DNAH6: variants seen among roughly 807,000 people sequenced by gnomAD.
DNAH6 encodes the protein axonemal beta dynein heavy chain 6.
DNAH6 carries 340 observed loss-of-function variants against 491.4 expected under a neutral mutation model. The observed-to-expected ratio is 0.69, with a 90% confidence interval of 0.63 to 0.76. The LOEUF is 0.76. Among genes scored for constraint, DNAH6 ranks in the 30% least tolerant of loss-of-function variants. DNAH6 has a pLI of 0.00. For synonymous variants in DNAH6, 1,603 were observed against 1,686.1 expected (o/e 0.95, Z 1.21); for missense variants, 4,443 against 4,972.2 (o/e 0.89, Z 3.20).
intron 11 of DNAH6, among the ~76,000 whole-genome samples, chr2:84,566,443 G>A (rs1681200478): frequency 6.6e-6 from 1 of 151,846 alleles, no homozygotes; most frequent in Non-Finnish European, 1.5e-5. Flanking sequence ...AAAATCTTCT[G>A]GAAGACACAA....
At chr2:84,676,654 T>C (rs948360769) in intron 40 of DNAH6, among the ~76,000 whole-genome samples, 2 of 152,220 alleles carry the variant, frequency 1.3e-5, no homozygotes, top group Non-Finnish European at 2.9e-5. Flanking sequence ...CCAACTTTAC[T>C]AAACTTAACT....
chr2:84,662,679 G>C (rs912614560), intron 37 of DNAH6, among the ~76,000 whole-genome samples: 6 of 152,214 alleles, frequency 3.9e-5, no homozygotes. Flanking sequence ...TCTGGGGGCA[G>C]GGCATAGCTG....
chr2:84,650,586 G>A (rs1034905733), intron 33 of DNAH6, among the ~76,000 whole-genome samples: 7 of 151,200 alleles, frequency 4.6e-5, no homozygotes, highest in Non-Finnish European at 8.8e-5. Context: ...TATGATGACT[G>A]TTTTAAGATA....
chr2:84,463,020 A>G, the DNAH6 span, among the ~76,000 whole-genome samples: 1 of 152,196 alleles, frequency 6.6e-6, no homozygotes, highest in East Asian at 1.9e-4. Flanking sequence ...AAGAGTTACA[A>G]GGAGGCCAGC....
chr2:84,641,232 A>G (rs1255369422), intron 32 of DNAH6, among the ~76,000 whole-genome samples: 1 of 152,170 alleles, frequency 6.6e-6, no homozygotes, highest in East Asian at 1.9e-4. Context: ...GCCATGACTC[A>G]TTGGCTCAGG....
At chr2:84,705,827 C>T (rs1696376677) in intron 52 of DNAH6, 80 bp downstream of exon 52, 2 of 1,436,770 alleles carry the variant, frequency 1.4e-6, no homozygotes, top group Non-Finnish European at 1.9e-6. Context: ...TATAATGTTA[C>T]TGTGGTCCTA....
rs12992282 is a variant in DNAH6, at chr2:84,653,571, G to A, written c.5331G>A (p.Gly1777=). 0.13 allele frequency: 208,958 copies of A among 1,551,182 alleles called. 16,067 individuals carry two copies. Among genetic ancestry groups the A allele is most frequent in the Non-Finnish European group, 0.16 (182,770 of 1,146,646 alleles). ...AETLGNLQKL[G]IENSFYQAVK... ...CTTTAGGGAATTTACAAAAACTTGG[G>A]ATAGAAAATTCCTTTTACCAAGCAG... Residue 1777 remains glycine, a synonymous_variant, in exon 34 of 77, where the codon GGG becomes GGA. Transcript: ENST00000389394.
intron 45 of DNAH6, among the ~76,000 whole-genome samples, chr2:84,690,517 G>GACCAGAC (rs1052994584): frequency 1.3e-5 from 2 of 152,192 alleles, no homozygotes; most frequent in African/African-American, 4.8e-5. Flanking sequence ...CTGGAGAATA[G>GACCAGAC]ACCAGACCGT....
At chr2:84,464,889 C>G in the DNAH6 span, among the ~76,000 whole-genome samples, 1 of 152,130 alleles carries the variant, frequency 6.6e-6, no homozygotes. Flanking sequence ...GAATGCAGCA[C>G]AGTAGGATTC....
At chr2:84,561,561 C>G (rs1680678787) in intron 11 of DNAH6, among the ~76,000 whole-genome samples, 1 of 152,170 alleles carries the variant, frequency 6.6e-6, no homozygotes, top group African/African-American at 2.4e-5. Context: ...AACTAAAGAG[C>G]TTCTCTGCAC....
the DNAH6 span, among the ~76,000 whole-genome samples, chr2:84,507,267 A>G: frequency 6.6e-6 from 1 of 152,130 alleles, no homozygotes; most frequent in Admixed American, 6.6e-5. Flanking sequence ...AGTTCTTCTT[A>G]AAGAGGTCCT....
chr2:84,495,092 A>G, the DNAH6 span, among the ~76,000 whole-genome samples: 2 of 152,160 alleles, frequency 1.3e-5, no homozygotes, highest in Non-Finnish European at 2.9e-5. Flanking sequence ...AATTCATATG[A>G]TGTGTGGCCT....
chr2:84,751,713 A>G (rs550689940), intron 63 of DNAH6, among the ~76,000 whole-genome samples: 1 of 152,308 alleles, frequency 6.6e-6, no homozygotes, highest in East Asian at 1.9e-4. Context: ...ATCACCACAG[A>G]ACAAAGCTAA....
At chr2:84,523,431 AT>A (rs1013622260) in intron 2 of DNAH6, among the ~76,000 whole-genome samples, 1 of 150,312 alleles carries the variant, frequency 6.7e-6, no homozygotes, top group Non-Finnish European at 1.5e-5. Context: ...GATCTTTTCC[AT>A]TTTTTTTATT....
In DNAH6 at chr2:84,727,757, C is replaced by T; in HGVS notation, c.10061C>T (p.Ala3354Val). The T allele has an allele frequency of 6.4e-7, 1 of 1,551,424 alleles. No individual in the cohort carries two copies. Among genetic ancestry groups the T allele is most frequent in the Non-Finnish European group, 8.7e-7 (1 of 1,146,690 alleles). Residue 3354 changes from alanine (A) to valine (V), a missense_variant, in exon 61 of 77, where the codon GCT (alanine) becomes GTT (valine). By Grantham distance (64) the Ala-to-Val change is moderately conservative (BLOSUM62 0). This residue lies in a region of DNAH6 where 1,463 missense variants were observed against 1,656.6 expected (regional missense o/e 0.88). Transcript: ENST00000389394. ...CTACTAGAACAAACTCTCCTAACTG[C>T]TTATGTCAATGTTTCAAGAGGACTT... ...DVLLEQTLLT[A>V]YVNVSRGLFE...
chr2:84,483,968 G>C, the DNAH6 span, among the ~76,000 whole-genome samples: 1 of 152,128 alleles, frequency 6.6e-6, no homozygotes, highest in African/African-American at 2.4e-5. Flanking sequence ...GGGGACACCT[G>C]TTACAGCTGA....
intron 53 of DNAH6, 62 bp from the exon 54 acceptor site, chr2:84,707,458 A>G (rs1207552398): frequency 2.2e-6 from 3 of 1,394,402 alleles, no homozygotes; most frequent in Admixed American, 5.4e-5. Context: ...CAGGTAAATA[A>G]GCTTTTAATA....
At chr2:84,736,731 A>C (rs935675203) in intron 62 of DNAH6, among the ~76,000 whole-genome samples, 6 of 152,102 alleles carry the variant, frequency 3.9e-5, no homozygotes, top group African/African-American at 1.2e-4. Context: ...GGAGTCTTTT[A>C]GTCAAATCCT....
intron 4 of DNAH6, among the ~76,000 whole-genome samples, chr2:84,535,076 T>A (rs1354539805): frequency 1.3e-5 from 2 of 152,000 alleles, no homozygotes; most frequent in African/African-American, 4.8e-5. Context: ...TTTTACTTCT[T>A]AAATTAATGA....
Sources: gnomAD v4.1 joint callset for allele counts (sites outside exome capture counted in the v4.1 genomes callset) on GRCh38, gnomAD v4.1.1 for gene constraint, gnomAD v4.1.1 regional missense constraint, MANE v1.5 for transcripts, NCBI Gene and HGNC (gene_info 2026-07-23, HGNC 2026-07-21) for gene names.